The following SCRG1 variants were observed in gnomAD, a reference collection of about 807,000 sequenced individuals.
SCRG1 encodes stimulator of chondrogenesis 1.
SCRG1 carries 3 observed loss-of-function variants against 7.7 expected under a neutral mutation model. That is an observed-to-expected ratio of 0.39 (90% CI 0.18 to 1.01). SCRG1 has a LOEUF of 1.01. Ranked by LOEUF, SCRG1 falls within the 50% of genes least tolerant of loss-of-function variation. SCRG1 has a pLI of 0.36. For synonymous variants in SCRG1, 46 were observed against 41.2 expected (o/e 1.12, Z -0.44); for missense variants, 110 against 117.2 (o/e 0.94, Z 0.28).
chr4:173,413,889 A>G, the SCRG1 span, among the ~76,000 whole-genome samples: 1 of 152,156 alleles, frequency 6.6e-6, no homozygotes, highest in Non-Finnish European at 1.5e-5. Flanking sequence ...TGGATGCTGC[A>G]CCCCTTAAGG....
At chr4:173,424,487 C>T in the SCRG1 span, among the ~76,000 whole-genome samples, 1 of 152,172 alleles carries the variant, frequency 6.6e-6, no homozygotes, top group Non-Finnish European at 1.5e-5. Flanking sequence ...ATGATATAAA[C>T]CTTGGATACA....
the SCRG1 span, among the ~76,000 whole-genome samples, chr4:173,491,726 T>A: frequency 1.3e-5 from 2 of 152,184 alleles, no homozygotes; most frequent in Non-Finnish European, 2.9e-5. Flanking sequence ...CAAAGCTGAC[T>A]TTCCCCAGTA....
chr4:173,509,752 G>C, the SCRG1 span, among the ~76,000 whole-genome samples: 1 of 152,082 alleles, frequency 6.6e-6, no homozygotes, highest in Non-Finnish European at 1.5e-5. The surrounding 1 kb of genome is among the most constrained non-coding windows in gnomAD (Gnocchi z 5.7). Context: ...AGATATCCAG[G>C]AGCTGAAAGA....
the SCRG1 span, among the ~76,000 whole-genome samples, chr4:173,472,952 A>G: frequency 6.6e-6 from 1 of 152,210 alleles, no homozygotes; most frequent in Non-Finnish European, 1.5e-5. Context: ...TTTACATGCA[A>G]AGAATTTTGC....
the SCRG1 span, among the ~76,000 whole-genome samples, chr4:173,511,915 A>G: frequency 6.6e-6 from 1 of 152,204 alleles, no homozygotes; most frequent in Non-Finnish European, 1.5e-5. This position sits in a 1 kb window ranked among gnomAD's most constrained non-coding sequence, Gnocchi z 5.2. Flanking sequence ...AGAGATCCTC[A>G]GGGTGGAAAG....
the SCRG1 span, among the ~76,000 whole-genome samples, chr4:173,438,330 T>C: frequency 6.6e-6 from 1 of 151,762 alleles, no homozygotes; most frequent in Admixed American, 6.6e-5. Context: ...TCCATGTTGC[T>C]CAGGCTGGTC....
chr4:173,441,705 G>C, the SCRG1 span, among the ~76,000 whole-genome samples: 7,108 of 152,194 alleles, frequency 0.047, 422 homozygotes, highest in Admixed American at 0.18. Context: ...TATAAGTCTT[G>C]TCCTCAAAAA....
the SCRG1 span, among the ~76,000 whole-genome samples, chr4:173,472,866 A>T: frequency 6.6e-6 from 1 of 152,234 alleles, no homozygotes; most frequent in Non-Finnish European, 1.5e-5. Flanking sequence ...TTGACACAGA[A>T]TTACCCAACA....
chr4:173,416,911 A>AACACACAC, the SCRG1 span, among the ~76,000 whole-genome samples: 534 of 125,234 alleles, frequency 4.3e-3, 26 homozygotes, highest in African/African-American at 0.015. Context: ...CACACACCCA[A>AACACACAC]ACACACACAC....
chr4:173,408,991 C>CAAAAAAAAAAAAAA (rs991902394), upstream of SCRG1, among the ~76,000 whole-genome samples: 2 of 51,252 alleles, frequency 3.9e-5, no homozygotes, highest in African/African-American at 6.4e-5. Context: ...GACTCAGTCT[C>CAAAAAAAAAAAAAA]AAAAAAAAAA....
chr4:173,427,805 A>G, the SCRG1 span, among the ~76,000 whole-genome samples: 2,160 of 152,286 alleles, frequency 0.014, 21 homozygotes, highest in Non-Finnish European at 0.023. Context: ...ACACAATTCA[A>G]CTTATAGCAG....
At chr4:173,442,020 C>A in the SCRG1 span, among the ~76,000 whole-genome samples, 1 of 152,182 alleles carries the variant, frequency 6.6e-6, no homozygotes, top group Non-Finnish European at 1.5e-5. Context: ...ACTTTTGGCT[C>A]ACAATAATTA....
chr4:173,446,650 G>A, the SCRG1 span: 7 of 152,198 alleles, frequency 4.6e-5, no homozygotes, highest in East Asian at 1.2e-3. Flanking sequence ...TTGTGCAGGG[G>A]GCCTGCTTGT....
the SCRG1 span, among the ~76,000 whole-genome samples, chr4:173,442,682 T>C: frequency 2.0e-5 from 3 of 152,206 alleles, no homozygotes; most frequent in African/African-American, 7.2e-5. Context: ...TTCTAGAGGC[T>C]GGAAAATCCA....
chr4:173,497,861 G>A, the SCRG1 span, among the ~76,000 whole-genome samples: 1 of 151,856 alleles, frequency 6.6e-6, no homozygotes. Context: ...TTAATTCTTA[G>A]TAGAGACAGG....
the SCRG1 span, among the ~76,000 whole-genome samples, chr4:173,418,523 G>C: frequency 3.9e-5 from 6 of 152,176 alleles, no homozygotes; most frequent in African/African-American, 1.4e-4. Context: ...TGAGAATTTG[G>C]TGTTGTTTGT....
At chr4:173,514,685 AG>A in the SCRG1 span, among the ~76,000 whole-genome samples, 1 of 152,228 alleles carries the variant, frequency 6.6e-6, no homozygotes, top group Non-Finnish European at 1.5e-5. Context: ...AAAGATTTTA[AG>A]CTAGAACTGT....
the SCRG1 span, among the ~76,000 whole-genome samples, chr4:173,477,286 T>C: frequency 6.6e-6 from 1 of 152,160 alleles, no homozygotes; most frequent in Non-Finnish European, 1.5e-5. Context: ...CTGAAACACA[T>C]GGGTAGTCTG....
chr4:173,449,621 A>T, the SCRG1 span, among the ~76,000 whole-genome samples: 1 of 152,124 alleles, frequency 6.6e-6, no homozygotes, highest in African/African-American at 2.4e-5. Flanking sequence ...TATGAAGATT[A>T]CACCTCCTAC....
Sources: allele counts gnomAD v4.1 joint callset (sites outside exome capture counted in the v4.1 genomes callset), GRCh38; gene constraint gnomAD v4.1.1; non-coding constraint Gnocchi (gnomAD v3.1); transcripts MANE v1.5; gene names NCBI Gene and HGNC (gene_info 2026-07-23, HGNC 2026-07-21).